The following EIF3H variants were observed in gnomAD, a reference collection of about 807,000 sequenced individuals.
EIF3H encodes eukaryotic translation initiation factor 3 subunit H, also known as eIF-3-gamma.
Under a neutral mutation model 44.2 loss-of-function variants are expected in EIF3H, and 26 were observed. The ratio of observed to expected loss-of-function variants is 0.59; its 90% confidence interval spans 0.43 to 0.82. EIF3H has a LOEUF of 0.82. Ranked by LOEUF, EIF3H falls within the 40% of genes least tolerant of loss-of-function variation. The pLI is 0.00. For missense variants in EIF3H, 359 were observed against 432.8 expected, an observed-to-expected ratio of 0.83 and a Z score of 1.51; for synonymous variants, 166 against 151.9, an observed-to-expected ratio of 1.09 and a Z score of -0.68.
intron 5 of EIF3H, among the ~76,000 whole-genome samples, 194 bp downstream of exon 5, chr8:116,655,662 T>C (rs906014713): frequency 1.3e-5 from 2 of 152,178 alleles, no homozygotes; most frequent in Non-Finnish European, 2.9e-5. Flanking sequence ...TAATGTGTTG[T>C]TTCATGTTAT....
At chr8:116,656,059 C>T in intron 4 of EIF3H, 54 bp from the exon 5 acceptor site, 1 of 1,540,314 alleles carries the variant, frequency 6.5e-7, no homozygotes, top group Non-Finnish European at 8.8e-7. Context: ...AAGTGCTAAA[C>T]TGACTACTTC....
intron 1 of EIF3H, among the ~76,000 whole-genome samples, chr8:116,738,261 TGAC>T (rs1815076489): frequency 6.6e-6 from 1 of 152,164 alleles, no homozygotes; most frequent in South Asian, 2.1e-4. Flanking sequence ...ACTACTGAGT[TGAC>T]AATGATGGAC....
At chr8:116,652,367 A>C in intron 5 of EIF3H, among the ~76,000 whole-genome samples, 1 of 152,252 alleles carries the variant, frequency 6.6e-6, no homozygotes, top group African/African-American at 2.4e-5. Context: ...AGTGACATCA[A>C]AATTCTATCG....
chr8:116,765,197 A>G (rs1283840385), intron 1 of EIF3H, among the ~76,000 whole-genome samples: 1 of 152,250 alleles, frequency 6.6e-6, no homozygotes, highest in Non-Finnish European at 1.5e-5. Flanking sequence ...CTGAGCAATT[A>G]CACTCAAAGA....
intron 2 of EIF3H, among the ~76,000 whole-genome samples, chr8:116,715,374 T>C (rs1372443647): frequency 6.6e-6 from 1 of 152,114 alleles, no homozygotes; most frequent in Non-Finnish European, 1.5e-5. Context: ...TGTGTTTTAT[T>C]TATCACTACA....
chr8:116,653,025 T>A (rs948282137), intron 5 of EIF3H, among the ~76,000 whole-genome samples: 18 of 152,234 alleles, frequency 1.2e-4, no homozygotes, highest in African/African-American at 4.3e-4. Context: ...GAAAAGATCA[T>A]CACCAATGCT....
chr8:116,723,655 C>T (rs1372444543), intron 2 of EIF3H, among the ~76,000 whole-genome samples: 1 of 152,142 alleles, frequency 6.6e-6, no homozygotes. Context: ...AAGCAAGTAA[C>T]ATTCTATCAA....
intron 1 of EIF3H, among the ~76,000 whole-genome samples, chr8:116,755,291 A>G (rs1427460109): frequency 6.6e-6 from 1 of 152,154 alleles, no homozygotes; most frequent in Non-Finnish European, 1.5e-5. Flanking sequence ...GAATCAGTGG[A>G]GTTTCCTTAC....
At chr8:116,739,418 C>CG (rs1815094606) in intron 1 of EIF3H, among the ~76,000 whole-genome samples, 2 of 152,158 alleles carry the variant, frequency 1.3e-5, no homozygotes, top group Admixed American at 1.3e-4. Context: ...TTGGAGGCCG[C>CG]GGCGGGCAGA....
At chr8:116,695,077 T>C (rs1814246055) in intron 2 of EIF3H, among the ~76,000 whole-genome samples, 1 of 151,012 alleles carries the variant, frequency 6.6e-6, no homozygotes, top group Admixed American at 6.6e-5. Flanking sequence ...CTTTTTTTTT[T>C]TTTTTTTTTG....
chr8:116,764,814 C>T (rs1586502567), intron 1 of EIF3H, among the ~76,000 whole-genome samples: 1 of 152,180 alleles, frequency 6.6e-6, no homozygotes, highest in Non-Finnish European at 1.5e-5. Context: ...CCACCATGCC[C>T]GGCCGAAAAC....
At chr8:116,761,009 G>A (rs1447215410) in intron 1 of EIF3H, among the ~76,000 whole-genome samples, 1 of 152,154 alleles carries the variant, frequency 6.6e-6, no homozygotes, top group Non-Finnish European at 1.5e-5. Flanking sequence ...AGATTAAAAT[G>A]AAAGACCCAT....
rs1383381654 is a variant in EIF3H at position 116,655,892 on chromosome 8, A to G, written c.671T>C (p.Val224Ala). 3.1e-6 allele frequency: 5 copies of G among 1,613,730 alleles called. No homozygotes were observed. Among genetic ancestry groups the G allele is most frequent in the Non-Finnish European group, 4.2e-6 (5 of 1,179,712 alleles). ...GCTGAGCAATTCATGTTTATCTGCA[A>G]CAGCTGACTTCTTTTCAAGTTCCCA... Reference protein sequence around the residue: ...LMWELEKKSAVADKHELLSLA... With the variant: ...LMWELEKKSAAADKHELLSLA... Residue 224 changes from valine (V) to alanine (A), a missense_variant, in exon 5 of 8, where the codon GTT becomes GCT. Transcript: ENST00000521861.
chr8:116,748,769 A>G (rs1430517401), intron 1 of EIF3H, among the ~76,000 whole-genome samples: 1 of 152,240 alleles, frequency 6.6e-6, no homozygotes, highest in Non-Finnish European at 1.5e-5. Flanking sequence ...GCAGATGCTC[A>G]AGTCCTTTAT....
rs144905433 is a variant in EIF3H, at chr8:116,691,556, G to GAA, written c.290-32578_290-32577dup. On this transcript the variant is annotated intron_variant, in intron 2 of 7. Coordinates refer to ENST00000521861, the MANE Select transcript of EIF3H (RefSeq NM_003756.3). Reference sequence around the variant, plus strand: ...CCAACAGGAAGCTCTATTTTAATAGGAAAAAAAAAAAAGCCTATAAAAGAA... The same window carrying GAA: ...CCAACAGGAAGCTCTATTTTAATAGGAAAAAAAAAAAAAAGCCTATAAAAGAA... Among the ~76,000 whole-genome samples, 31 of 143,386 alleles carry GAA rather than the reference G, an allele frequency of 2.2e-4. No individual in the cohort carries two copies. In the South Asian group the frequency reaches 3.5e-3, roughly 16 times the overall value. 94.1% of individuals were successfully genotyped at this position (143,386 alleles called of 152,430 possible).
intron 4 of EIF3H, among the ~76,000 whole-genome samples, chr8:116,656,397 A>ATT (rs1187894797): frequency 6.6e-6 from 1 of 152,216 alleles, no homozygotes; most frequent in Non-Finnish European, 1.5e-5. Context: ...TGAAAAGTTC[A>ATT]TTTAAAAAGC....
intron 2 of EIF3H, among the ~76,000 whole-genome samples, chr8:116,668,660 C>T (rs1247925223): frequency 3.3e-5 from 5 of 151,394 alleles, no homozygotes; most frequent in Admixed American, 2.6e-4. Flanking sequence ...ATTGTGTGAC[C>T]GGCGACAAAT....
At chr8:116,692,236 T>TC (rs1814191284) in intron 2 of EIF3H, among the ~76,000 whole-genome samples, 1 of 152,114 alleles carries the variant, frequency 6.6e-6, no homozygotes, top group African/African-American at 2.4e-5. Flanking sequence ...CTCCAATAAT[T>TC]CCACAATTTC....
intron 5 of EIF3H, among the ~76,000 whole-genome samples, chr8:116,653,846 G>A (rs1413856280): frequency 6.6e-6 from 1 of 152,164 alleles, no homozygotes; most frequent in Non-Finnish European, 1.5e-5. Flanking sequence ...AATACAGTAT[G>A]TTTTAGTCGT....
Sources: allele counts gnomAD v4.1 joint callset (sites outside exome capture counted in the v4.1 genomes callset), GRCh38; gene constraint gnomAD v4.1.1; transcripts MANE v1.5; gene names NCBI Gene and HGNC (gene_info 2026-07-23, HGNC 2026-07-21).